The following PLA2G4A variants were observed in gnomAD, a reference collection of about 807,000 sequenced individuals.
The protein encoded by PLA2G4A is phospholipase A2 group IVA.
PLA2G4A carries 40 observed loss-of-function variants against 81.9 expected under a neutral mutation model. That is an observed-to-expected ratio of 0.49 (90% CI 0.38 to 0.64). The LOEUF (loss-of-function observed/expected upper bound fraction) is 0.64, where lower values mean the gene tolerates loss of function less well. Ranked by LOEUF, PLA2G4A falls within the 30% of genes least tolerant of loss-of-function variation. The pLI, the probability that PLA2G4A is intolerant of heterozygous loss-of-function variation, is 0.00. For synonymous variants in PLA2G4A, 302 were observed against 296.9 expected (o/e 1.02, Z -0.18); for missense variants, 715 against 905.1 (o/e 0.79, Z 2.69).
intron 2 of PLA2G4A, 32 bp from the exon 3 acceptor site, chr1:186,870,403 T>C: frequency 1.5e-6 from 2 of 1,300,538 alleles, no homozygotes; most frequent in Non-Finnish European, 2.2e-6. Context: ...TGTTGGAAGC[T>C]TATTTTAAAT....
At chr1:186,937,177 T>C (rs12406315) in intron 8 of PLA2G4A, among the ~76,000 whole-genome samples, 16,229 of 151,790 alleles carry the variant, frequency 0.11, 985 homozygotes, top group Middle Eastern at 0.19. Flanking sequence ...CCAATGCCAA[T>C]GGTTGAAGTA....
chr1:186,829,164 T>C (rs1382651495), intron 1 of PLA2G4A, 129 bp downstream of exon 1: 1 of 152,240 alleles, frequency 6.6e-6, no homozygotes, highest in Non-Finnish European at 1.5e-5. Flanking sequence ...CTCGCTGCTT[T>C]AAAAAGTCAG....
intron 17 of PLA2G4A, among the ~76,000 whole-genome samples, chr1:186,986,443 C>G (rs749589831): frequency 6.6e-6 from 1 of 152,126 alleles, no homozygotes; most frequent in African/African-American, 2.4e-5. Context: ...GATAAATTTG[C>G]TGATATAGAT....
At chr1:186,928,950 T>C (rs1209350902) in intron 7 of PLA2G4A, among the ~76,000 whole-genome samples, 1 of 152,210 alleles carries the variant, frequency 6.6e-6, no homozygotes, top group African/African-American at 2.4e-5. Flanking sequence ...CTCTTAGAAT[T>C]AGAGCCATGA....
At chr1:186,930,454 G>A (rs1402623409) in intron 7 of PLA2G4A, among the ~76,000 whole-genome samples, 3 of 152,150 alleles carry the variant, frequency 2.0e-5, no homozygotes, top group Admixed American at 1.3e-4. Context: ...TTGGCATTTG[G>A]AGAAGGACAT....
At chr1:186,865,964 G>A (rs184183486) in intron 2 of PLA2G4A, among the ~76,000 whole-genome samples, 3 of 152,072 alleles carry the variant, frequency 2.0e-5, no homozygotes, top group African/African-American at 4.8e-5. Context: ...AAAACCTGAA[G>A]GCAAAGCTTA....
chr1:186,960,205 T>A (rs1656898490), intron 14 of PLA2G4A, among the ~76,000 whole-genome samples: 1 of 152,144 alleles, frequency 6.6e-6, no homozygotes. Flanking sequence ...TTCTTTCCTG[T>A]TTACTTTTGT....
intron 13 of PLA2G4A, among the ~76,000 whole-genome samples, chr1:186,953,340 A>T (rs955530883): frequency 1.3e-5 from 2 of 152,150 alleles, no homozygotes; most frequent in Non-Finnish European, 2.9e-5. Context: ...ATCTTCTCAT[A>T]TGCTTATCTG....
chr1:186,854,652 ATGT>A (rs1329621238), intron 2 of PLA2G4A, among the ~76,000 whole-genome samples: 4 of 151,966 alleles, frequency 2.6e-5, no homozygotes. Context: ...ACAATAAAAA[ATGT>A]TGTTATCACT....
intron 5 of PLA2G4A, among the ~76,000 whole-genome samples, chr1:186,900,762 A>G (rs538968960): frequency 6.6e-6 from 1 of 152,294 alleles, no homozygotes; most frequent in Non-Finnish European, 1.5e-5. Flanking sequence ...ATTTCTCTGG[A>G]TGAAATTAGT....
chr1:186,854,214 T>A, intron 1 of PLA2G4A, 72 bp from the exon 2 acceptor site: 1 of 641,324 alleles, frequency 1.6e-6, no homozygotes, highest in South Asian at 1.9e-5. Context: ...CTAAGACGCA[T>A]ACTCATAATT....
At chr1:186,967,175 A>G (rs1451589769) in intron 15 of PLA2G4A, among the ~76,000 whole-genome samples, 1 of 152,190 alleles carries the variant, frequency 6.6e-6, no homozygotes, top group Non-Finnish European at 1.5e-5. Flanking sequence ...CTCAAGACCA[A>G]TAATGGTTAT....
chr1:186,955,959 C>G (rs1656734756), intron 13 of PLA2G4A, 143 bp from the exon 14 acceptor site: 1 of 675,772 alleles, frequency 1.5e-6, no homozygotes, highest in Non-Finnish European at 2.7e-6. Context: ...CCAGGATGGT[C>G]TCAATCTCTT....
intron 3 of PLA2G4A, among the ~76,000 whole-genome samples, chr1:186,875,245 C>G (rs1040711754): frequency 6.6e-6 from 1 of 151,970 alleles, no homozygotes; most frequent in African/African-American, 2.4e-5. Context: ...AACAAAGATT[C>G]TAAGACTTTT....
chr1:186,947,786 T>C (rs112469983), intron 12 of PLA2G4A, among the ~76,000 whole-genome samples: 5 of 152,150 alleles, frequency 3.3e-5, no homozygotes, highest in African/African-American at 1.2e-4. Flanking sequence ...TGATGGACTA[T>C]CAACACAACT....
intron 17 of PLA2G4A, among the ~76,000 whole-genome samples, chr1:186,986,241 T>A (rs1360909295): frequency 3.3e-5 from 5 of 152,230 alleles, no homozygotes; most frequent in Non-Finnish European, 7.3e-5. Flanking sequence ...CTGATTTTTT[T>A]TATGCTCAAG....
intron 17 of PLA2G4A, among the ~76,000 whole-genome samples, chr1:186,983,843 T>C (rs1657807275): frequency 6.6e-6 from 1 of 152,080 alleles, no homozygotes; most frequent in Admixed American, 6.5e-5. Flanking sequence ...CTGGGTGACA[T>C]TGGGCATATT....
intron 1 of PLA2G4A, among the ~76,000 whole-genome samples, chr1:186,838,994 C>T (rs1409890642): frequency 6.6e-6 from 1 of 152,062 alleles, no homozygotes; most frequent in Non-Finnish European, 1.5e-5. Flanking sequence ...CAGCTGGTTA[C>T]CATAATCAAA....
At chr1:186,866,014 C>T (rs1236776815) in intron 2 of PLA2G4A, among the ~76,000 whole-genome samples, 2 of 152,182 alleles carry the variant, frequency 1.3e-5, no homozygotes, top group East Asian at 3.9e-4. Flanking sequence ...GATTTGACAT[C>T]TCAATTGAAA....
Sources: allele counts gnomAD v4.1 joint callset (sites outside exome capture counted in the v4.1 genomes callset), GRCh38; gene constraint gnomAD v4.1.1; transcripts MANE v1.5; gene names NCBI Gene and HGNC (gene_info 2026-07-23, HGNC 2026-07-21).